The following VWA8 variants were observed in gnomAD, a reference collection of about 807,000 sequenced individuals.
VWA8 encodes von Willebrand factor A domain containing 8.
VWA8 carries 221 observed loss-of-function variants against 241.5 expected under a neutral mutation model. The ratio of observed to expected loss-of-function variants is 0.91; its 90% confidence interval spans 0.82 to 1.02. The LOEUF (loss-of-function observed/expected upper bound fraction) is 1.02. Ranked by LOEUF, VWA8 falls within the 50% of genes least tolerant of loss-of-function variation. VWA8 has a pLI of 0.00. For missense variants in VWA8, 2,322 were observed against 2,328.7 expected (o/e 1.00, Z 0.06); for synonymous variants, 852 against 827.1 (o/e 1.03, Z -0.52).
At chr13:41,852,193 T>C (rs965713368) in intron 12 of VWA8, among the ~76,000 whole-genome samples, 1 of 152,202 alleles carries the variant, frequency 6.6e-6, no homozygotes, top group African/African-American at 2.4e-5. Context: ...TGTTGACCAC[T>C]TTTTATATGT....
chr13:41,698,558 T>C (rs1685129228), intron 29 of VWA8, among the ~76,000 whole-genome samples: 1 of 152,182 alleles, frequency 6.6e-6, no homozygotes, highest in South Asian at 2.1e-4. Context: ...CCCTTTGGTG[T>C]ATTTACATGA....
chr13:41,689,219 T>C, intron 34 of VWA8, 135 bp downstream of exon 34: 1 of 992,296 alleles, frequency 1.0e-6, no homozygotes, highest in Non-Finnish European at 1.4e-6. Context: ...TACTGACTGA[T>C]TTGGAAGGAA....
chr13:41,628,810 A>G (rs532561410), intron 37 of VWA8, among the ~76,000 whole-genome samples: 71 of 152,328 alleles, frequency 4.7e-4, no homozygotes, highest in Admixed American at 2.0e-3. Context: ...TGGGAGGCCA[A>G]GGTGGGCAGA....
At chr13:41,926,176 A>C (rs1352289336) in intron 2 of VWA8, 1 of 627,670 alleles carries the variant, frequency 1.6e-6, no homozygotes, top group Non-Finnish European at 2.9e-6. Flanking sequence ...AAGAAGGGTG[A>C]GCTGAGCATC....
chr13:41,917,819 C>A (rs1876329734), intron 2 of VWA8, among the ~76,000 whole-genome samples: 1 of 152,226 alleles, frequency 6.6e-6, no homozygotes. Context: ...CTTGACATTT[C>A]ATTACCATTT....
intron 19 of VWA8, among the ~76,000 whole-genome samples, chr13:41,780,726 A>C (rs1440861789): frequency 6.6e-6 from 1 of 152,170 alleles, no homozygotes; most frequent in Non-Finnish European, 1.5e-5. Flanking sequence ...TCATTTCTCA[A>C]AATTCCTTAA....
At chr13:41,679,268 G>A (rs1015357041) in intron 35 of VWA8, among the ~76,000 whole-genome samples, 22 of 152,156 alleles carry the variant, frequency 1.4e-4, no homozygotes, top group African/African-American at 4.3e-4. Flanking sequence ...ACAGTGCCAA[G>A]GTTAGAAGGA....
intron 12 of VWA8, among the ~76,000 whole-genome samples, chr13:41,847,780 T>C (rs1472038728): frequency 2.0e-5 from 3 of 152,180 alleles, no homozygotes; most frequent in African/African-American, 4.8e-5. Flanking sequence ...TGGGAGGCCA[T>C]TGACAGATTC....
chr13:41,691,481 G>A, intron 31 of VWA8, 36 bp from the exon 32 acceptor site: 1 of 1,607,546 alleles, frequency 6.2e-7, no homozygotes. Flanking sequence ...AAAGGAAATG[G>A]TGAGGATAAT....
intron 40 of VWA8, among the ~76,000 whole-genome samples, chr13:41,596,321 C>T (rs906247008): frequency 3.9e-5 from 6 of 152,008 alleles, no homozygotes; most frequent in Non-Finnish European, 8.8e-5. Context: ...GAAGAGGTGT[C>T]AGAATGAATG....
intron 21 of VWA8, among the ~76,000 whole-genome samples, chr13:41,734,108 G>T (rs187573867): frequency 6.2e-4 from 95 of 152,314 alleles, no homozygotes; most frequent in African/African-American, 2.2e-3. Context: ...GTGAGGCTGA[G>T]GCAGGCAGAT....
intron 37 of VWA8, among the ~76,000 whole-genome samples, chr13:41,630,033 G>A (rs1022339746): frequency 3.9e-5 from 6 of 152,170 alleles, no homozygotes; most frequent in African/African-American, 1.2e-4. Flanking sequence ...TCTATTTTAA[G>A]TGCCTTTATA....
At position 41,615,065 on chromosome 13, in the gene VWA8, C is replaced by G; in HGVS notation, c.4631G>C (p.Ser1544Thr). 6.2e-7 allele frequency: 1 copy of G among 1,613,876 alleles called. No homozygotes were observed. Among genetic ancestry groups the G allele is most frequent in the South Asian group, 1.1e-5 (1 of 91,068 alleles). Residue 1544 changes from serine to threonine, a missense_variant, in exon 38 of 45, where the codon AGT (serine) becomes ACT (threonine). Physicochemically the swap from Ser to Thr is moderately conservative, Grantham distance 58 (BLOSUM62 1). Transcript: ENST00000379310. ...RNMQITINRD[S>T]GEDVSSPKHG... Reference sequence around the variant, plus strand: ...TTTGGGGGAGCTTACATCTTCACCACTGTCTCTGTTGATTGTTATCTAAAA... The same window carrying G: ...TTTGGGGGAGCTTACATCTTCACCAGTGTCTCTGTTGATTGTTATCTAAAA...
intron 2 of VWA8, among the ~76,000 whole-genome samples, chr13:41,932,286 C>T (rs1877160555): frequency 6.6e-6 from 1 of 151,964 alleles, no homozygotes; most frequent in African/African-American, 2.4e-5. Flanking sequence ...ACTTGAATGA[C>T]TATATCTATG....
chr13:41,907,816 G>T, intron 3 of VWA8, 120 bp from the exon 4 acceptor site: 1 of 772,220 alleles, frequency 1.3e-6, no homozygotes, highest in Non-Finnish European at 2.1e-6. Flanking sequence ...CCTAATTTTG[G>T]GTTGAAACTT....
chr13:41,659,004 C>A (rs1185999812), intron 37 of VWA8, among the ~76,000 whole-genome samples: 1 of 152,110 alleles, frequency 6.6e-6, no homozygotes, highest in Non-Finnish European at 1.5e-5. Context: ...TATGAAAGTT[C>A]AATTAAAGTT....
At chr13:41,942,817 A>C (rs889806656) in intron 2 of VWA8, among the ~76,000 whole-genome samples, 2 of 152,210 alleles carry the variant, frequency 1.3e-5, no homozygotes, top group African/African-American at 2.4e-5. Flanking sequence ...GCAAGACAGC[A>C]GTTCCTTAAG....
chr13:41,785,279 T>C (rs913506611), intron 18 of VWA8, among the ~76,000 whole-genome samples: 1 of 152,224 alleles, frequency 6.6e-6, no homozygotes, highest in Non-Finnish European at 1.5e-5. Flanking sequence ...ACATACACTA[T>C]GTAATTTGCT....
intron 26 of VWA8, among the ~76,000 whole-genome samples, chr13:41,705,477 A>G (rs2045277231): frequency 6.6e-6 from 1 of 152,234 alleles, no homozygotes; most frequent in Admixed American, 6.5e-5. Context: ...CAGTTCACCA[A>G]AGGAGAATTG....
Sources: allele counts gnomAD v4.1 joint callset (sites outside exome capture counted in the v4.1 genomes callset), GRCh38; gene constraint gnomAD v4.1.1; transcripts MANE v1.5; gene names NCBI Gene and HGNC (gene_info 2026-07-23, HGNC 2026-07-21).